Variants in YAF2 observed in about 807,000 individuals in gnomAD.
The protein encoded by YAF2 is YY1-associated factor 2.
Under a neutral mutation model 20.1 loss-of-function variants are expected in YAF2, and 7 were observed. That is an observed-to-expected ratio of 0.35 (90% CI 0.20 to 0.65). YAF2 has a LOEUF of 0.65. YAF2 is among the 30% of genes least tolerant of loss of function. The pLI is 0.69. For missense variants in YAF2, 151 were observed against 219.2 expected, an observed-to-expected ratio of 0.69 and a Z score of 1.96; for synonymous variants, 74 against 76.0, an observed-to-expected ratio of 0.97 and a Z score of 0.14.
chr12:42,211,381 C>T lies in YAF2; in HGVS notation c.152+26218G>A, dbSNP rs528803930. On this transcript the variant is annotated intron_variant, in intron 2 of 3. Coordinates refer to ENST00000534854, the MANE Select transcript of YAF2 (RefSeq NM_005748.6). Reference sequence around the variant, plus strand: ...AGCAGAGGTTGCAGTGAGCGGAGATCGTGCCACTGAACTCCAGCCTGGATG... The same window carrying T: ...AGCAGAGGTTGCAGTGAGCGGAGATTGTGCCACTGAACTCCAGCCTGGATG... 1.0e-4 allele frequency among the ~76,000 whole-genome samples: 14 copies of T among 134,906 alleles called. No individual in the cohort carries two copies. In the South Asian group the frequency reaches 2.8e-3, roughly 27 times the overall value. 88.5% of individuals were successfully genotyped at this position (134,906 alleles called of 152,430 possible).
chr12:42,175,372 T>C (rs1029414382), intron 2 of YAF2, among the ~76,000 whole-genome samples: 1 of 149,978 alleles, frequency 6.7e-6, no homozygotes, highest in African/African-American at 2.5e-5. Context: ...TGGGGGTAGG[T>C]ACAGGAGGGA....
chr12:42,191,224 T>C (rs2066605173), intron 2 of YAF2, among the ~76,000 whole-genome samples: 1 of 152,206 alleles, frequency 6.6e-6, no homozygotes, highest in African/African-American at 2.4e-5. Flanking sequence ...TCGTTTTCAC[T>C]CTAAACACTT....
chr12:42,230,168 A>C (rs964178968), intron 2 of YAF2, among the ~76,000 whole-genome samples: 2 of 152,184 alleles, frequency 1.3e-5, no homozygotes, highest in Non-Finnish European at 2.9e-5. Context: ...GAGGCAGGAG[A>C]ATCGCTCAAA....
intron 2 of YAF2, among the ~76,000 whole-genome samples, chr12:42,227,459 G>C (rs1273604613): frequency 2.8e-5 from 3 of 107,938 alleles, no homozygotes; most frequent in Admixed American, 1.9e-4. Flanking sequence ...GCCGCCCATC[G>C]TCTGAGATGT....
intron 2 of YAF2, chr12:42,235,793 G>A (rs1479496616): frequency 6.5e-7 from 1 of 1,535,828 alleles, no homozygotes; most frequent in Admixed American, 2.0e-5. Context: ...CCCCATGTGG[G>A]CCTCAAGCCT....
intron 2 of YAF2, among the ~76,000 whole-genome samples, chr12:42,169,216 G>A (rs1048195626): frequency 2.0e-5 from 3 of 152,084 alleles, no homozygotes; most frequent in African/African-American, 7.2e-5. Context: ...TTTGACTTCT[G>A]TGTATCATGA....
intron 2 of YAF2, among the ~76,000 whole-genome samples, chr12:42,201,320 A>G (rs1270799916): frequency 3.9e-5 from 6 of 152,184 alleles, no homozygotes; most frequent in Admixed American, 2.0e-4. Flanking sequence ...TTTGCAATCT[A>G]ATGGGTGAAA....
chr12:42,236,032 T>C, intron 2 of YAF2: 1 of 1,533,984 alleles, frequency 6.5e-7, no homozygotes, highest in Non-Finnish European at 8.7e-7. Flanking sequence ...CTAGTTTCAG[T>C]ATTTTTCTAA....
intron 2 of YAF2, among the ~76,000 whole-genome samples, chr12:42,227,865 C>T (rs1439306849): frequency 4.2e-5 from 6 of 142,318 alleles, no homozygotes; most frequent in Admixed American, 6.8e-5. Flanking sequence ...GCCCCCCGCC[C>T]CGCCAGCCGC....
At chr12:42,167,244 CAT>C (rs547181068) in intron 2 of YAF2, among the ~76,000 whole-genome samples, 82 of 152,218 alleles carry the variant, frequency 5.4e-4, no homozygotes, top group African/African-American at 1.7e-3. Context: ...CACCATGACA[CAT>C]GTCTATCTAT....
intron 2 of YAF2, chr12:42,232,094 A>G (rs1308832963): frequency 2.0e-5 from 3 of 152,224 alleles, no homozygotes; most frequent in Non-Finnish European, 2.9e-5. Flanking sequence ...GTCAGACAGA[A>G]TATTTTTAAA....
chr12:42,234,337 T>C lies in YAF2; in HGVS notation c.152+3262A>G, dbSNP rs946004483. On this transcript the variant is annotated intron_variant, in intron 2 of 3. Coordinates refer to ENST00000534854, the MANE Select transcript of YAF2 (RefSeq NM_005748.6). ...AATTTCCTGTCAGTTTGACATTTAC[T>C]ACTGTTTCTCTCACAAAAGCACAAT... 1.2e-5 allele frequency: 12 copies of C among 985,392 alleles called. No individual in the cohort carries two copies. In the African/African-American group the frequency reaches 2.1e-4, roughly 17 times the overall value. The allele number at this position is 985,392 out of a possible 1,614,324, so 61.0% of individuals were successfully genotyped here.
chr12:42,187,892 C>A (rs1229992741), intron 2 of YAF2, among the ~76,000 whole-genome samples: 1 of 152,150 alleles, frequency 6.6e-6, no homozygotes, highest in African/African-American at 2.4e-5. Flanking sequence ...ATCCTGTTTA[C>A]TCCTGGATCA....
intron 2 of YAF2, among the ~76,000 whole-genome samples, chr12:42,176,680 G>A (rs1010271555): frequency 6.6e-6 from 1 of 151,904 alleles, no homozygotes; most frequent in South Asian, 2.1e-4. Flanking sequence ...ATAACATCCC[G>A]GCCAGGTATG....
chr12:42,211,524 G>T (rs1048924648), intron 2 of YAF2, among the ~76,000 whole-genome samples: 4 of 151,432 alleles, frequency 2.6e-5, no homozygotes, highest in Admixed American at 6.6e-5. Context: ...ATCACCTGAG[G>T]TTGGGAGTTC....
At chr12:42,207,382 CTT>C (rs940486747) in intron 2 of YAF2, among the ~76,000 whole-genome samples, 12 of 152,174 alleles carry the variant, frequency 7.9e-5, no homozygotes, top group African/African-American at 1.4e-4. Flanking sequence ...TGTATTTCCA[CTT>C]TGTTTTCTAA....
intron 2 of YAF2, among the ~76,000 whole-genome samples, chr12:42,227,063 C>T (rs929278493): frequency 4.1e-5 from 6 of 145,372 alleles, no homozygotes; most frequent in African/African-American, 1.3e-4. Context: ...CGACCGCAGC[C>T]GCCGCCGCCC....
At chr12:42,166,153 T>C (rs1015366190) in intron 2 of YAF2, among the ~76,000 whole-genome samples, 3 of 152,196 alleles carry the variant, frequency 2.0e-5, no homozygotes, top group East Asian at 3.9e-4. Context: ...CCTCAGGTGA[T>C]CCGCCTGTCT....
At chr12:42,183,376 C>T (rs1184272661) in intron 2 of YAF2, among the ~76,000 whole-genome samples, 2 of 152,064 alleles carry the variant, frequency 1.3e-5, no homozygotes, top group Non-Finnish European at 2.9e-5. Context: ...TGTCAAAAGC[C>T]GAGACAGACC....
Sources: gnomAD v4.1 joint callset for allele counts (sites outside exome capture counted in the v4.1 genomes callset) on GRCh38, gnomAD v4.1.1 for gene constraint, MANE v1.5 for transcripts, NCBI Gene and HGNC (gene_info 2026-07-23, HGNC 2026-07-21) for gene names.